MGAT1: variants seen among roughly 807,000 people sequenced by gnomAD.
MGAT1 encodes N-glycosyl-oligosaccharide-glycoprotein N-acetylglucosaminyltransferase I.
A neutral mutation model predicts 31.7 loss-of-function variants in MGAT1; 14 were observed. The observed-to-expected ratio is 0.44, with a 90% CI of 0.29 to 0.69. The LOEUF (loss-of-function observed/expected upper bound fraction) is 0.69, where lower values mean the gene tolerates loss of function less well. Ranked by LOEUF, MGAT1 falls within the 30% of genes least tolerant of loss-of-function variation. The probability of loss-of-function intolerance (pLI) is 0.12; values close to 1 mark genes in which losing one functional copy is unlikely to be tolerated. For synonymous variants in MGAT1, 338 were observed against 276.0 expected (o/e 1.22, Z -2.23); for missense variants, 557 against 626.0 (o/e 0.89, Z 1.18).
At chr5:180,800,958 G>T (rs1038479877) in intron 1 of MGAT1, among the ~76,000 whole-genome samples, 1 of 152,198 alleles carries the variant, frequency 6.6e-6, no homozygotes, top group Non-Finnish European at 1.5e-5. Flanking sequence ...AACTCCTTTA[G>T]GGAGGTGACA....
Position 180,790,925 on chromosome 5 carries a change from G to C in MGAT1, c.*709C>G, listed in dbSNP as rs1767962866. On this transcript the variant is annotated 3_prime_UTR_variant, in exon 2 of 2. Transcript: ENST00000307826. Reference sequence around the variant, plus strand: ...AGGGCATAGTCCCTCTCTGAGGTAAGGCAAGAGAGAGGTTGTCCCAGCACA... The same window carrying C: ...AGGGCATAGTCCCTCTCTGAGGTAACGCAAGAGAGAGGTTGTCCCAGCACA... 1 of 152,372 alleles carries C rather than the reference G, an allele frequency of 6.6e-6. No individual in the cohort carries two copies. Among genetic ancestry groups the C allele is most frequent in the South Asian group, 2.1e-4 (1 of 4,836 alleles). The allele number at this position is 152,372 out of a possible 1,614,324, so 9.4% of individuals were successfully genotyped here.
chr5:180,791,611 G>A lies in MGAT1; in HGVS notation c.*23C>T. On this transcript the variant is annotated 3_prime_UTR_variant, in exon 2 of 2. Transcript: ENST00000307826. ...CTCAGCTCATGATGTGGCAAGGAGG[G>A]GCCCAGGAAGGACAGGCAGGTGCTA... 1 of 1,607,560 alleles carries A rather than the reference G, an allele frequency of 6.2e-7. No individual in the cohort carries two copies. Among genetic ancestry groups the A allele is most frequent in the Non-Finnish European group, 8.5e-7 (1 of 1,176,598 alleles).
In MGAT1 at chr5:180,789,506, C is replaced by T. The variant is rs1468530027; in HGVS notation, c.*2128G>A. On this transcript the variant is annotated 3_prime_UTR_variant, in exon 2 of 2. Transcript: ENST00000307826. ...CCATGTTAGCCAGGCTGGTCTCAAA[C>T]TCCTGAAGTGATCCACCCGCCTCAG... 1 of 152,268 alleles carries T rather than the reference C, an allele frequency of 6.6e-6. No homozygotes were observed. Among genetic ancestry groups the T allele is most frequent in the Non-Finnish European group, 1.5e-5 (1 of 68,094 alleles). 9.4% of individuals were successfully genotyped at this position (152,268 alleles called of 1,614,324 possible). A position where few individuals can be genotyped will look rare whatever the true frequency, so the allele number is the denominator to read the frequency against.
In MGAT1 at chr5:180,789,861, ACTT is replaced by A. The variant is rs1224455321; in HGVS notation, c.*1770_*1772del. 2 of 150,648 alleles carry A rather than the reference ACTT, an allele frequency of 1.3e-5. No homozygotes were observed. Among genetic ancestry groups the A allele is most frequent in the African/African-American group, 4.9e-5 (2 of 40,856 alleles). The allele number at this position is 150,648 out of a possible 1,614,324, so 9.3% of individuals were successfully genotyped here. A position where few individuals can be genotyped will look rare whatever the true frequency, so the allele number is the denominator to read the frequency against. ...TGGCCAGGATGGTCCCGAACTCCTG[ACTT>A]CGTGATCCGTCCGCCTCAGCCTCCC... On this transcript the variant is annotated 3_prime_UTR_variant, in exon 2 of 2. Transcript: ENST00000307826.
At chr5:180,804,302 A>C (rs79694418), upstream of MGAT1, among the ~76,000 whole-genome samples, 801 of 150,142 alleles carry the variant, frequency 5.3e-3, 5 homozygotes, top group African/African-American at 0.019. Context: ...TAGACCGGGC[A>C]CTCCTGTGCG....
upstream of MGAT1, chr5:180,803,035 C>G (rs1771248230): frequency 6.6e-6 from 1 of 152,430 alleles, no homozygotes; most frequent in Non-Finnish European, 1.5e-5. Context: ...CTTTCCGGCT[C>G]CCTGGCGCAA....
Position 180,791,876 on chromosome 5 carries a change from G to A in MGAT1, c.1096C>T (p.Pro366Ser), listed in dbSNP as rs1371930234. The change falls in exon 2 of 2, where the codon CCC becomes TCC. Residue 366 changes from proline to serine, a missense_variant. Coordinates refer to ENST00000307826, the MANE Select transcript of MGAT1 (RefSeq NM_002406.4). Reference protein sequence around the residue: ...RDFLARVYGAPQLQVEKVRTN... With the variant: ...RDFLARVYGASQLQVEKVRTN... ...CTCACTTTCTCCACCTGCAGCTGGG[G>A]AGCACCGTAGACGCGGGCGAGGAAA... The A allele has an allele frequency of 4.3e-6, 7 of 1,614,098 alleles. No individual in the cohort carries two copies. Among genetic ancestry groups the A allele is most frequent in the African/African-American group, 4.0e-5 (3 of 74,942 alleles).
intron 1 of MGAT1, among the ~76,000 whole-genome samples, chr5:180,797,833 G>C (rs1769816526): frequency 6.6e-6 from 1 of 151,974 alleles, no homozygotes. Context: ...CCTAGTTCCA[G>C]CCCACCTCCT....
chr5:180,797,121 G>C (rs899060450), intron 1 of MGAT1, among the ~76,000 whole-genome samples: 1 of 152,140 alleles, frequency 6.6e-6, no homozygotes, highest in Non-Finnish European at 1.5e-5. Context: ...AGAAGGGTGG[G>C]GCCCCACTGG....
Position 180,786,596 on chromosome 5 carries a change from G to GA in MGAT1, c.*5037dup. Reference sequence around the variant, plus strand: ...GACCCAGCGCTCTGTGAGCTTCCAAGAGAGGAGGAGGCAGCTGCCATCCAC... The same window carrying GA: ...GACCCAGCGCTCTGTGAGCTTCCAAGAAGAGGAGGAGGCAGCTGCCATCCAC... On this transcript the variant is annotated 3_prime_UTR_variant, in exon 2 of 2. Transcript: ENST00000307826. 6.6e-6 allele frequency: 1 copy of GA among 152,320 alleles called. No homozygotes were observed. Among genetic ancestry groups the GA allele is most frequent in the Non-Finnish European group, 1.5e-5 (1 of 68,124 alleles). 9.4% of individuals were successfully genotyped at this position (152,320 alleles called of 1,614,324 possible).
At chr5:180,797,425 AAAAAG>A (rs1241293152) in intron 1 of MGAT1, among the ~76,000 whole-genome samples, 11 of 135,384 alleles carry the variant, frequency 8.1e-5, no homozygotes, top group African/African-American at 2.5e-4. Context: ...AAAAAAAAAA[AAAAAG>A]GGGGGGGGGG....
chr5:180,796,196 A>G (rs1421787748), intron 1 of MGAT1, among the ~76,000 whole-genome samples: 1 of 152,106 alleles, frequency 6.6e-6, no homozygotes, highest in African/African-American at 2.4e-5. Context: ...GATCTGGTAT[A>G]AAAGGGCTGA....
At chr5:180,802,483 A>AGT (rs1771049655) in intron 1 of MGAT1, among the ~76,000 whole-genome samples, 197 bp downstream of exon 1, 1 of 152,082 alleles carries the variant, frequency 6.6e-6, no homozygotes, top group South Asian at 2.1e-4. Context: ...CAGAAGGCGG[A>AGT]GTTCCAACCT....
chr5:180,791,840 G>T lies in MGAT1; in HGVS notation c.1132C>A (p.Arg378=). ...LQVEKVRTND[R]KELGEVRVQY... ...ACCCGCACCTCCCCCAGCTCCTTCC[G>T]GTCATTGGTCCTCACTTTCTCCACC... is the stretch of plus-strand genomic sequence containing the variant. Residue 378 remains arginine (R), a synonymous_variant, in exon 2 of 2, where the codon CGG becomes AGG. Transcript: ENST00000307826. The T allele has an allele frequency of 1.2e-6, 2 of 1,614,208 alleles. No individual in the cohort carries two copies. Among genetic ancestry groups the T allele is most frequent in the Non-Finnish European group, 1.7e-6 (2 of 1,180,044 alleles).
In MGAT1 at chr5:180,790,076, CTG is replaced by C. The variant is rs1767861821; in HGVS notation, c.*1556_*1557del. The C allele has an allele frequency of 6.6e-6, 1 of 152,248 alleles. No individual in the cohort carries two copies. Among genetic ancestry groups the C allele is most frequent in the African/African-American group, 2.4e-5 (1 of 41,442 alleles). 9.4% of individuals were successfully genotyped at this position (152,248 alleles called of 1,614,324 possible). On this transcript the variant is annotated 3_prime_UTR_variant, in exon 2 of 2. Transcript: ENST00000307826. ...GTTGCGTTTGGGAGTCCAAGCGCCA[CTG>C]TGAGGCCAACCCTGGTATCAGCTGT...
In MGAT1 at chr5:180,795,345, T is replaced by A. The variant is rs182594545; in HGVS notation, c.-126-2248A>T. The A allele has an allele frequency of 3.8e-3, 573 of 152,246 alleles. 7 individuals carry two copies. Among genetic ancestry groups the A allele is most frequent in the African/African-American group, 0.013 (546 of 41,506 alleles). The allele number at this position is 152,246 out of a possible 1,614,324, so 9.4% of individuals were successfully genotyped here. On this transcript the variant is annotated intron_variant, in intron 1 of 1. Transcript: ENST00000307826. ...AAAACTTATCAAATTGTACACTTTATATGCAGTTCTTTGCACATATTGATA... is the reference window on the plus strand; with the variant it reads ...AAAACTTATCAAATTGTACACTTTAAATGCAGTTCTTTGCACATATTGATA...
In MGAT1 at chr5:180,792,818, G is replaced by A. The variant is rs867087689; in HGVS notation, c.154C>T (p.Arg52Trp). ...TCTTGGGCCAGGCGAATCACTTCCC[G>A]GGTGAGGCTGGCGGGGTCGCCATCG... ...ALDGDPASLT[R>W]EVIRLAQDAE... is the part of the protein sequence containing the mutation. Residue 52 changes from arginine to tryptophan, a missense_variant, in exon 2 of 2, where the codon CGG becomes TGG. By Grantham distance (101) the Arg-to-Trp change is moderately radical (BLOSUM62 -3). Around this residue, in one of 3 missense-constraint regions of MGAT1, gnomAD observed 167 missense variants for 149.8 expected, o/e 1.11. Coordinates refer to ENST00000307826, the MANE Select transcript of MGAT1 (RefSeq NM_002406.4). 1.1e-5 allele frequency: 17 copies of A among 1,560,696 alleles called. No homozygotes were observed. The highest frequency in any genetic ancestry group is 1.5e-5 in the Non-Finnish European group (17 of 1,153,240).
rs1767816013 is a variant in MGAT1, at chr5:180,789,572, C to T, written c.*2062G>A. 1 of 151,954 alleles carries T rather than the reference C, an allele frequency of 6.6e-6. No homozygotes were observed. Among genetic ancestry groups the T allele is most frequent in the South Asian group, 2.1e-4 (1 of 4,824 alleles). The allele number at this position is 151,954 out of a possible 1,614,324, so 9.4% of individuals were successfully genotyped here. A position where few individuals can be genotyped will look rare whatever the true frequency, so the allele number is the denominator to read the frequency against. On this transcript the variant is annotated 3_prime_UTR_variant, in exon 2 of 2. Coordinates refer to ENST00000307826, the MANE Select transcript of MGAT1 (RefSeq NM_002406.4). ...GGATTACAGGCGTGAGCCACCGCGC[C>T]TGGACTAGCCCAGGGTTTTCAAACC...
upstream of MGAT1, among the ~76,000 whole-genome samples, chr5:180,806,496 C>T (rs185495181): frequency 1.2e-4 from 18 of 152,262 alleles, no homozygotes; most frequent in East Asian, 2.7e-3. Flanking sequence ...AAGGAGGAAA[C>T]GTTCTACCAG....
Sources: gnomAD v4.1 joint callset for allele counts (sites outside exome capture counted in the v4.1 genomes callset) on GRCh38, gnomAD v4.1.1 for gene constraint, gnomAD v4.1.1 regional missense constraint, MANE v1.5 for transcripts, NCBI Gene and HGNC (gene_info 2026-07-23, HGNC 2026-07-21) for gene names.